OR6N1: variants seen among roughly 807,000 people sequenced by gnomAD.
OR6N1 encodes the protein olfactory receptor 6N1.
For synonymous variants in OR6N1, 170 were observed against 150.7 expected (o/e 1.13, Z -0.94); for missense variants, 394 against 371.7 (o/e 1.06, Z -0.49).
intron 1 of OR6N1, among the ~76,000 whole-genome samples, chr1:158,767,836 G>A (rs930853026): frequency 2.0e-5 from 3 of 152,002 alleles, no homozygotes; most frequent in Admixed American, 2.0e-4. Flanking sequence ...CTCTCTTTAA[G>A]TTTCTTCTTA....
Position 158,765,738 on chromosome 1 carries a change from C to T in OR6N1, c.*6G>A. The stretch of plus-strand genomic sequence containing the variant: ...GGCCCGGCCTTGGCCTACTCTCAGC[C>T]CCAACTCATGCCAATATCCCAATTC... On this transcript the variant is annotated 3_prime_UTR_variant, in exon 2 of 2. Coordinates refer to ENST00000641846, the MANE Select transcript of OR6N1 (RefSeq NM_001005185.2). The T allele has an allele frequency of 6.2e-7, 1 of 1,608,048 alleles. No homozygotes were observed. Among genetic ancestry groups the T allele is most frequent in the East Asian group, 2.2e-5 (1 of 44,704 alleles).
At chr1:158,783,906 A>C in the OR6N1 span, among the ~76,000 whole-genome samples, 7 of 152,308 alleles carry the variant, frequency 4.6e-5, no homozygotes, top group South Asian at 1.5e-3. Flanking sequence ...GGAGATCGAG[A>C]CCATCCTGGC....
At chr1:158,785,852 G>A in the OR6N1 span, among the ~76,000 whole-genome samples, 18 of 152,034 alleles carry the variant, frequency 1.2e-4, no homozygotes, top group African/African-American at 4.1e-4. Context: ...TTTAGGGCAG[G>A]AGCAGACAAA....
chr1:158,781,480 T>TG, the OR6N1 span, among the ~76,000 whole-genome samples: 1 of 152,174 alleles, frequency 6.6e-6, no homozygotes, highest in Non-Finnish European at 1.5e-5. Context: ...TTGCCACTCC[T>TG]ATTCCCTCAT....
At chr1:158,810,578 A>T in the OR6N1 span, among the ~76,000 whole-genome samples, 2 of 152,316 alleles carry the variant, frequency 1.3e-5, no homozygotes, top group South Asian at 4.1e-4. Context: ...TGGACTTTAC[A>T]GTTTAATCCC....
chr1:158,766,328 C>A lies in OR6N1; in HGVS notation c.355G>T (p.Ala119Ser), dbSNP rs755678531. 3 of 1,613,966 alleles carry A rather than the reference C, an allele frequency of 1.9e-6. No individual in the cohort carries two copies. The highest frequency in any genetic ancestry group is 1.7e-6 in the Non-Finnish European group (2 of 1,179,970). ...ATECYLLTAM[A>S]YDRYLAICRP... ...CAGATGGCTAAATACCTATCGTAGG[C>A]CATAGCTGTCAGGAGATAGCACTCA... The change falls in exon 2 of 2, where the codon GCC becomes TCC. Residue 119 changes from alanine (A) to serine (S), a missense_variant. By Grantham distance (99) the Ala-to-Ser change is moderately conservative. Coordinates refer to ENST00000641846, the MANE Select transcript of OR6N1 (RefSeq NM_001005185.2).
the OR6N1 span, among the ~76,000 whole-genome samples, chr1:158,825,481 CAGA>C: frequency 6.6e-6 from 1 of 151,298 alleles, no homozygotes; most frequent in Non-Finnish European, 1.5e-5. Context: ...AGACACTTTT[CAGA>C]AGAAGATATA....
chr1:158,775,724 T>C (rs538435928), upstream of OR6N1: 17 of 151,952 alleles, frequency 1.1e-4, no homozygotes, highest in Non-Finnish European at 1.9e-4. Flanking sequence ...AATAAATTGA[T>C]TTAAGAATAT....
chr1:158,775,486 T>C (rs910209344), upstream of OR6N1: 1 of 152,328 alleles, frequency 6.6e-6, no homozygotes, highest in East Asian at 1.9e-4. Flanking sequence ...TTATAAAGTA[T>C]GGTGAGGCTT....
At chr1:158,787,768 C>G in the OR6N1 span, among the ~76,000 whole-genome samples, 1 of 152,118 alleles carries the variant, frequency 6.6e-6, no homozygotes, top group Admixed American at 6.6e-5. Flanking sequence ...GAAAATATAT[C>G]TCTCCCTTTC....
At chr1:158,767,416 C>A (rs1657302648) in intron 1 of OR6N1, among the ~76,000 whole-genome samples, 1 of 152,208 alleles carries the variant, frequency 6.6e-6, no homozygotes, top group South Asian at 2.1e-4. Flanking sequence ...GTTCTTCCTG[C>A]CATTTCCCCC....
intron 1 of OR6N1, among the ~76,000 whole-genome samples, chr1:158,766,922 A>T (rs572319852): frequency 1.2e-4 from 18 of 152,270 alleles, no homozygotes; most frequent in African/African-American, 4.3e-4. Flanking sequence ...TTCCCTGATT[A>T]ACACAGCTCA....
In OR6N1 at chr1:158,765,701, A is replaced by G. The variant is rs189079734; in HGVS notation, c.*43T>C. ...CTGGCCACTGTTGATCCCTGGGGCC[A>G]CCATATCCTCAGGCCCGGCCTTGGC... On this transcript the variant is annotated 3_prime_UTR_variant, in exon 2 of 2. Coordinates refer to ENST00000641846, the MANE Select transcript of OR6N1 (RefSeq NM_001005185.2). 1.1e-5 allele frequency: 17 copies of G among 1,500,056 alleles called. No individual in the cohort carries two copies. The Admixed American group carries it at 1.8e-4, about 16-fold the overall frequency. 92.9% of individuals were successfully genotyped at this position (1,500,056 alleles called of 1,614,324 possible).
At chr1:158,768,178 C>T (rs1657326201) in intron 1 of OR6N1, among the ~76,000 whole-genome samples, 1 of 151,924 alleles carries the variant, frequency 6.6e-6, no homozygotes, top group Admixed American at 6.6e-5. Context: ...TATATAAACT[C>T]AACTCCTCTG....
the OR6N1 span, among the ~76,000 whole-genome samples, chr1:158,797,087 C>G: frequency 2.6e-5 from 4 of 152,188 alleles, no homozygotes; most frequent in African/African-American, 9.6e-5. Flanking sequence ...TGAGGTTCTA[C>G]TGAACACTCT....
the OR6N1 span, among the ~76,000 whole-genome samples, chr1:158,780,558 A>G: frequency 2.6e-5 from 4 of 152,226 alleles, no homozygotes; most frequent in African/African-American, 9.6e-5. Flanking sequence ...CCCAAACATC[A>G]TATGTTAGCC....
intron 1 of OR6N1, among the ~76,000 whole-genome samples, chr1:158,769,936 C>A (rs1657374746): frequency 6.6e-6 from 1 of 152,212 alleles, no homozygotes; most frequent in African/African-American, 2.4e-5. Flanking sequence ...GTCTTGAATG[C>A]ATACCTGCCT....
chr1:158,832,979 T>C, the OR6N1 span, among the ~76,000 whole-genome samples: 8 of 152,158 alleles, frequency 5.3e-5, no homozygotes, highest in African/African-American at 1.9e-4. Context: ...CTTCTTCTCC[T>C]TTCTTGTCAA....
In OR6N1 at chr1:158,766,095, G is replaced by T. The variant is rs1416792282; in HGVS notation, c.588C>A (p.Val196=). 1.9e-6 allele frequency: 3 copies of T among 1,614,092 alleles called. No individual in the cohort carries two copies. The highest frequency in any genetic ancestry group is 2.5e-6 in the Non-Finnish European group (3 of 1,179,970). ...SLACTDTSIN[V]LVDFVINSCK... ...AGGAATTTATAACAAAATCTACTAG[G>T]ACATTTATAGACGTATCAGTGCAAG... Residue 196 remains valine, a synonymous_variant, in exon 2 of 2, where the codon GTC becomes GTA. Coordinates refer to ENST00000641846, the MANE Select transcript of OR6N1 (RefSeq NM_001005185.2).
Sources: gnomAD v4.1 joint callset for allele counts (sites outside exome capture counted in the v4.1 genomes callset) on GRCh38, gnomAD v4.1.1 for gene constraint, MANE v1.5 for transcripts, NCBI Gene and HGNC (gene_info 2026-07-23, HGNC 2026-07-21) for gene names.